Variants in MORC2 observed in about 807,000 individuals in gnomAD.
The protein encoded by MORC2 is ATPase MORC2.
MORC2 carries 30 observed loss-of-function variants against 136.0 expected under a neutral mutation model. The ratio of observed to expected loss-of-function variants is 0.22; its 90% CI spans 0.17 to 0.30. MORC2 has a LOEUF of 0.30. Among genes scored for constraint, MORC2 ranks in the 10% least tolerant of loss-of-function variants. The pLI is 1.00. For synonymous variants in MORC2, 439 were observed against 487.0 expected, an observed-to-expected ratio of 0.90 and a Z score of 1.30; for missense variants, 922 against 1,333.1, an observed-to-expected ratio of 0.69 and a Z score of 4.80.
rs766203288 is a variant in MORC2, at chr22:30,932,936, C to T, written c.2475G>A (p.Lys825=). 6.2e-7 allele frequency: 1 copy of T among 1,614,212 alleles called. No homozygotes were observed. Among genetic ancestry groups the T allele is most frequent in the South Asian group, 1.1e-5 (1 of 91,090 alleles). ...CTGTGGGCACGTAGTCAAACTTCAC[C>T]TTCCACCGCACCACATGCTTGCCCA... ...VEVGKHVVRW[K]VKFDYVPTDT... is the part of the protein sequence containing the mutation. Residue 825 remains lysine, a synonymous_variant, in exon 22 of 26, where the codon AAG becomes AAA. Coordinates refer to ENST00000397641, the MANE Select transcript of MORC2 (RefSeq NM_001303256.3). This position sits in a 1 kb window ranked among gnomAD's most constrained non-coding sequence, Gnocchi z 4.4.
At chr22:30,960,680 G>A (rs902540198) in intron 1 of MORC2, among the ~76,000 whole-genome samples, 2 of 151,310 alleles carry the variant, frequency 1.3e-5, no homozygotes, top group South Asian at 2.1e-4. Context: ...TAGTAGAGAC[G>A]GGGTTTCTCC....
chr22:30,956,891 GTC>G, intron 2 of MORC2, 94 bp from the exon 3 acceptor site: 1 of 1,060,580 alleles, frequency 9.4e-7, no homozygotes, highest in Admixed American at 2.6e-5. Context: ...AGTATTTTGA[GTC>G]TGTTTTCAGG....
rs182317789 is a variant in MORC2 at position 30,929,190 on chromosome 22, A to G, written c.2842-983T>C. 1.4e-3 allele frequency among the ~76,000 whole-genome samples: 213 copies of G among 152,390 alleles called. 1 individual carries two copies. Among genetic ancestry groups the G allele is most frequent in the African/African-American group, 4.4e-3 (185 of 41,598 alleles). ...TAATTGCCTTGGCAGCACAAAATAA[A>G]TACTGGAGCAATCTCCAAAGTATTA... On this transcript the variant is annotated intron_variant, in intron 24 of 25. Transcript: ENST00000397641.
intron 20 of MORC2, among the ~76,000 whole-genome samples, chr22:30,933,730 G>C (rs1181480474): frequency 1.3e-5 from 2 of 152,134 alleles, no homozygotes; most frequent in Non-Finnish European, 2.9e-5. Context: ...AGCAGGCAAG[G>C]GACATGTGTT....
At position 30,934,347 on chromosome 22, in the gene MORC2, C is replaced by T. The variant is rs1288081558; in HGVS notation, c.2194-156G>A. Among the ~76,000 whole-genome samples the T allele has an allele frequency of 6.6e-6, 1 of 152,156 alleles. No individual in the cohort carries two copies. The highest frequency in any genetic ancestry group is 1.9e-4 in the East Asian group (1 of 5,180). On this transcript the variant is annotated intron_variant, in intron 19 of 25. Transcript: ENST00000397641. The surrounding 1 kb of genome is among the most constrained non-coding windows in gnomAD (Gnocchi z 4.4). ...GGAATGTACACAGGCAACCCACTGG[C>T]CCCTGCGCCATAAGGATTTTTGCTC...
chr22:30,959,826 C>T (rs375852264), intron 1 of MORC2, among the ~76,000 whole-genome samples: 1 of 152,174 alleles, frequency 6.6e-6, no homozygotes, highest in Non-Finnish European at 1.5e-5. Flanking sequence ...AGTAAATAAC[C>T]AGCATCTAGG....
intron 6 of MORC2, among the ~76,000 whole-genome samples, chr22:30,942,934 G>A (rs912505208): frequency 1.3e-5 from 2 of 152,184 alleles, no homozygotes; most frequent in African/African-American, 4.8e-5. Flanking sequence ...GAATCTGGGA[G>A]GCGGAGGTTG....
intron 1 of MORC2, chr22:30,967,179 T>C: frequency 1.0e-6 from 1 of 985,386 alleles, no homozygotes; most frequent in Non-Finnish European, 1.2e-6. Context: ...CAGACCATGT[T>C]GGAGTGATTA....
At chr22:30,942,752 C>G (rs926072029) in intron 6 of MORC2, among the ~76,000 whole-genome samples, 3 of 152,070 alleles carry the variant, frequency 2.0e-5, no homozygotes, top group Non-Finnish European at 4.4e-5. Flanking sequence ...TGTCTGTAAT[C>G]CCAGCACTTT....
Position 30,926,972 on chromosome 22 carries a change from T to C in MORC2, c.3031-101A>G. 4.2e-6 allele frequency: 4 copies of C among 948,136 alleles called. No homozygotes were observed. The South Asian group carries it at 4.4e-5, about 10-fold the overall frequency. The allele number at this position is 948,136 out of a possible 1,614,324, so 58.7% of individuals were successfully genotyped here. A position where few individuals can be genotyped will look rare whatever the true frequency, so the allele number is the denominator to read the frequency against. On this transcript the variant is annotated intron_variant, in intron 25 of 25. Coordinates refer to ENST00000397641, the MANE Select transcript of MORC2 (RefSeq NM_001303256.3). ...GCTCCTGGGATGGAGCCCAGAGTCC[T>C]CTCCCTGACCTCCCACCCCGCCCTG...
chr22:30,940,863 T>C lies in MORC2; in HGVS notation c.825-26A>G, dbSNP rs1430769625. ...CTGATCAGTAGAAAAAGCAAGCTGA[T>C]GGCCCACGCAGCAGTGGGGCAGGTG... On this transcript the variant is annotated intron_variant, in intron 9 of 25. Coordinates refer to ENST00000397641, the MANE Select transcript of MORC2 (RefSeq NM_001303256.3). The C allele has an allele frequency of 3.7e-6, 6 of 1,603,944 alleles. No individual in the cohort carries two copies. In the South Asian group the frequency reaches 6.6e-5, roughly 18 times the overall value.
chr22:30,944,729 TC>T (rs2040792034), intron 6 of MORC2, among the ~76,000 whole-genome samples: 1 of 152,102 alleles, frequency 6.6e-6, no homozygotes, highest in African/African-American at 2.4e-5. Flanking sequence ...CATCCATGAC[TC>T]CCCTGCTTCG....
chr22:30,935,391 T>C, intron 17 of MORC2, 69 bp from the exon 18 acceptor site: 1 of 1,479,292 alleles, frequency 6.8e-7, no homozygotes, highest in Non-Finnish European at 9.3e-7. Context: ...TTTTGGATAG[T>C]GTCTGGAACC....
At chr22:30,961,962 G>A (rs1489054652) in intron 1 of MORC2, among the ~76,000 whole-genome samples, 6 of 152,122 alleles carry the variant, frequency 3.9e-5, no homozygotes, top group South Asian at 2.1e-4. Context: ...TTGGGAGGCC[G>A]AGGTGGGTGG....
chr22:30,940,252 G>A (rs184325972), intron 10 of MORC2, among the ~76,000 whole-genome samples: 1 of 151,610 alleles, frequency 6.6e-6, no homozygotes, highest in Admixed American at 6.6e-5. Flanking sequence ...AACCTATCAC[G>A]GAGGCCCCAA....
intron 1 of MORC2, among the ~76,000 whole-genome samples, chr22:30,961,677 AGAATAAATAATGAAGTT>A (rs1454750476): frequency 6.6e-6 from 1 of 152,236 alleles, no homozygotes; most frequent in East Asian, 1.9e-4. Flanking sequence ...TACTAACTTC[AGAATAAATAATGAAGTT>A]TCCAGTCTTT....
rs2040738307 is a variant in MORC2 at position 30,941,314 on chromosome 22, C to G, written c.824+119G>C. 7.1e-7 allele frequency: 1 copy of G among 1,411,826 alleles called. No homozygotes were observed. Among genetic ancestry groups the G allele is most frequent in the African/African-American group, 1.4e-5 (1 of 69,738 alleles). The allele number at this position is 1,411,826 out of a possible 1,614,324, so 87.5% of individuals were successfully genotyped here. A position where few individuals can be genotyped will look rare whatever the true frequency, so the allele number is the denominator to read the frequency against. On this transcript the variant is annotated intron_variant, in intron 9 of 25. Coordinates refer to ENST00000397641, the MANE Select transcript of MORC2 (RefSeq NM_001303256.3). This position sits in a 1 kb window ranked among gnomAD's most constrained non-coding sequence, Gnocchi z 4.6. ...ACCAATCACAGGCAACTTAAAGTCC[C>G]AAACGTAGTCAGCACTGCCAGAGCC...
rs538204260 is a variant in MORC2 at position 30,954,273 on chromosome 22, G to GA, written c.157+2489dup. ...TAGCACACTGCATTCCAGCCTGGGT[G>GA]AAAAAAAAAGATTCCACGGACTGAT... On this transcript the variant is annotated intron_variant, in intron 3 of 25. Coordinates refer to ENST00000397641, the MANE Select transcript of MORC2 (RefSeq NM_001303256.3). 4.0e-3 allele frequency among the ~76,000 whole-genome samples: 607 copies of GA among 150,974 alleles called. 6 individuals are homozygous for GA. Among genetic ancestry groups the GA allele is most frequent in the African/African-American group, 0.012 (512 of 41,148 alleles).
intron 25 of MORC2, 37 bp from the exon 26 acceptor site, chr22:30,926,908 GA>G (rs758322343): frequency 6.4e-7 from 1 of 1,572,856 alleles, no homozygotes; most frequent in South Asian, 1.1e-5. Context: ...CTGGGGGCCA[GA>G]AAGTGATTGG....
Sources: gnomAD v4.1 joint callset for allele counts (sites outside exome capture counted in the v4.1 genomes callset) on GRCh38, gnomAD v4.1.1 for gene constraint, Gnocchi (gnomAD v3.1) non-coding constraint, MANE v1.5 for transcripts, NCBI Gene and HGNC (gene_info 2026-07-23, HGNC 2026-07-21) for gene names.